ODAD2: variants seen among roughly 807,000 people sequenced by gnomAD.
The protein encoded by ODAD2 is outer dynein arm docking complex subunit 2, also known as outer dynein arm-docking complex subunit 2.
Under a neutral mutation model 106.8 loss-of-function variants are expected in ODAD2, and 89 were observed. The observed-to-expected ratio is 0.83, with a 90% CI of 0.70 to 0.99. ODAD2 has a LOEUF of 0.99. Among genes scored for constraint, ODAD2 ranks in the 50% least tolerant of loss-of-function variants. ODAD2 has a pLI of 0.00. For synonymous variants in ODAD2, 404 were observed against 436.2 expected, an observed-to-expected ratio of 0.93 and a Z score of 0.92; for missense variants, 1,168 against 1,238.5, an observed-to-expected ratio of 0.94 and a Z score of 0.85.
intron 17 of ODAD2, among the ~76,000 whole-genome samples, chr10:27,891,035 A>G (rs56794932): frequency 0.017 from 2,582 of 152,236 alleles, 55 homozygotes; most frequent in African/African-American, 0.055. Context: ...GTTTATAGCA[A>G]TATTCCTAGC....
intron 17 of ODAD2, among the ~76,000 whole-genome samples, chr10:27,881,239 T>C (rs955433673): frequency 2.0e-5 from 3 of 152,244 alleles, no homozygotes; most frequent in Non-Finnish European, 4.4e-5. Flanking sequence ...ATCAATCTAA[T>C]GAATAACCAC....
chr10:27,929,898 A>G (rs12098376), intron 16 of ODAD2, among the ~76,000 whole-genome samples: 3,460 of 152,130 alleles, frequency 0.023, 105 homozygotes, highest in African/African-American at 0.079. Context: ...AATATTACTA[A>G]GATCTTTTGG....
At chr10:27,857,547 T>C (rs549388297) in intron 19 of ODAD2, among the ~76,000 whole-genome samples, 1 of 152,340 alleles carries the variant, frequency 6.6e-6, no homozygotes, top group East Asian at 1.9e-4. Flanking sequence ...GTGTGACTGC[T>C]AGAAAATTTA....
intron 19 of ODAD2, among the ~76,000 whole-genome samples, chr10:27,830,070 G>C (rs77426693): frequency 0.051 from 7,737 of 152,228 alleles, 289 homozygotes; most frequent in African/African-American, 0.11. Context: ...TAGGGCACAG[G>C]ATGGTGGAAC....
chr10:27,987,129 A>G (rs1250450570), intron 3 of ODAD2, among the ~76,000 whole-genome samples: 1 of 152,246 alleles, frequency 6.6e-6, no homozygotes, highest in Non-Finnish European at 1.5e-5. Flanking sequence ...ACCACATGCT[A>G]AAATCAGAAA....
chr10:27,985,188 T>C lies in ODAD2; in HGVS notation c.406A>G (p.Ile136Val), dbSNP rs1219817298. Residue 136 changes from isoleucine to valine, a missense_variant, in exon 4 of 20, where the codon ATC becomes GTC. Around this residue, in one of 3 missense-constraint regions of ODAD2, gnomAD observed 430 missense variants for 452.2 expected, o/e 0.95. Coordinates refer to ENST00000305242, the MANE Select transcript of ODAD2 (RefSeq NM_018076.5). ...ATTGTATTATAATCAGAGCCCAGGA[T>C]TTTTACTATGGGGTCTCTGTTAGCT... ...VEANRDPIVK[I>V]LGSDYNTMKE... 2 of 1,569,524 alleles carry C rather than the reference T, an allele frequency of 1.3e-6. No individual in the cohort carries two copies. Among genetic ancestry groups the C allele is most frequent in the Admixed American group, 3.6e-5 (2 of 55,182 alleles).
At chr10:27,859,677 A>G (rs549042831) in intron 19 of ODAD2, among the ~76,000 whole-genome samples, 2 of 152,354 alleles carry the variant, frequency 1.3e-5, no homozygotes, top group East Asian at 3.9e-4. Context: ...ATAGAAAAGA[A>G]CTAATATTTT....
intron 19 of ODAD2, among the ~76,000 whole-genome samples, chr10:27,847,573 G>A (rs1370531240): frequency 6.6e-6 from 1 of 151,916 alleles, no homozygotes; most frequent in African/African-American, 2.4e-5. Flanking sequence ...TCTGGCCAGG[G>A]CAATCAGGCA....
At chr10:27,850,377 A>G (rs540420510) in intron 19 of ODAD2, among the ~76,000 whole-genome samples, 26 of 149,410 alleles carry the variant, frequency 1.7e-4, no homozygotes, top group Non-Finnish European at 2.7e-4. Flanking sequence ...CCTGGGAGGC[A>G]GAGCTTGCAG....
chr10:27,877,046 C>T (rs1482436563), intron 17 of ODAD2, among the ~76,000 whole-genome samples: 4 of 151,296 alleles, frequency 2.6e-5, no homozygotes, highest in Non-Finnish European at 4.4e-5. Context: ...AGTGAACATT[C>T]AAAAATATTT....
intron 12 of ODAD2, among the ~76,000 whole-genome samples, chr10:27,941,864 A>G (rs1007223244): frequency 6.6e-6 from 1 of 152,008 alleles, no homozygotes; most frequent in African/African-American, 2.4e-5. Context: ...ACCAATCTCA[A>G]ATTTATAAGG....
intron 19 of ODAD2, among the ~76,000 whole-genome samples, chr10:27,847,225 A>G (rs1313684316): frequency 1.3e-5 from 2 of 152,204 alleles, no homozygotes; most frequent in African/African-American, 2.4e-5. Context: ...CTTATCCACT[A>G]TGATCAAGTG....
chr10:27,942,423 C>A lies in ODAD2; in HGVS notation c.1744-1618G>T, dbSNP rs1055365582. 1.3e-4 allele frequency among the ~76,000 whole-genome samples: 20 copies of A among 152,174 alleles called. No homozygotes were observed. The East Asian group carries it at 3.3e-3, about 25-fold the overall frequency. Reference sequence around the variant, plus strand: ...AGAAAAATGCCATAGGAACTTAATTCTTGTTTATATCAGTTAGTCTATAGG... The same window carrying A: ...AGAAAAATGCCATAGGAACTTAATTATTGTTTATATCAGTTAGTCTATAGG... On this transcript the variant is annotated intron_variant, in intron 12 of 19. Coordinates refer to ENST00000305242, the MANE Select transcript of ODAD2 (RefSeq NM_018076.5).
intron 10 of ODAD2, among the ~76,000 whole-genome samples, chr10:27,955,269 A>C (rs1348849413): frequency 1.3e-5 from 2 of 152,100 alleles, no homozygotes; most frequent in Non-Finnish European, 1.5e-5. Flanking sequence ...AGAAGAGCAC[A>C]GTCTAATATG....
At chr10:27,996,253 G>T (rs1850553076) in intron 1 of ODAD2, among the ~76,000 whole-genome samples, 1 of 152,034 alleles carries the variant, frequency 6.6e-6, no homozygotes, top group Admixed American at 6.6e-5. Context: ...AATAAAATTG[G>T]CTTTTTACTC....
intron 19 of ODAD2, among the ~76,000 whole-genome samples, chr10:27,836,663 T>C (rs115283120): frequency 0.012 from 1,770 of 152,270 alleles, 36 homozygotes; most frequent in African/African-American, 0.04. Context: ...ACCTTTATGG[T>C]TGACTCTCAA....
At chr10:27,915,488 C>A (rs564966166) in intron 16 of ODAD2, among the ~76,000 whole-genome samples, 1 of 152,122 alleles carries the variant, frequency 6.6e-6, no homozygotes, top group Admixed American at 6.6e-5. Flanking sequence ...TCTACCCTCA[C>A]GTCCTAATCA....
rs150297564 is a variant in ODAD2 at position 27,862,618 on chromosome 10, G to T, written c.2615C>A (p.Ala872Asp). Residue 872 changes from alanine (A) to aspartate (D), a missense_variant, in exon 18 of 20, where the codon GCT (alanine) becomes GAT (aspartate). Physicochemically the swap from Ala to Asp is moderately radical, Grantham distance 126. Transcript: ENST00000305242. ...AACAAAGGAACGAACCATTTCCCCA[G>T]CATCCTAGACAAAAATAAAAGTAAA... Reference protein sequence around the residue: ...LCPCIKNAKDAGEMVRSFVGG... With the variant: ...LCPCIKNAKDDGEMVRSFVGG... The T allele has an allele frequency of 6.3e-7, 1 of 1,595,886 alleles. No homozygotes were observed. The highest frequency in any genetic ancestry group is 2.3e-5 in the East Asian group (1 of 43,924).
intron 14 of ODAD2, 90 bp from the exon 15 acceptor site, chr10:27,936,970 A>C (rs1846027783): frequency 1.5e-6 from 2 of 1,310,010 alleles, no homozygotes; most frequent in Admixed American, 2.5e-5. Context: ...AGTAGCTAGG[A>C]AACTTCTTTC....
Sources: gnomAD v4.1 joint callset for allele counts (sites outside exome capture counted in the v4.1 genomes callset) on GRCh38, gnomAD v4.1.1 for gene constraint, gnomAD v4.1.1 regional missense constraint, MANE v1.5 for transcripts, NCBI Gene and HGNC (gene_info 2026-07-23, HGNC 2026-07-21) for gene names.